CSMD3: variants seen among roughly 807,000 people sequenced by gnomAD.
The protein encoded by CSMD3 is CUB and sushi domain-containing protein 3.
Under a neutral mutation model 435.2 loss-of-function variants are expected in CSMD3, and 177 were observed. The ratio of observed to expected loss-of-function variants is 0.41; its 90% confidence interval spans 0.36 to 0.46. CSMD3 has a LOEUF of 0.46. CSMD3 is among the 20% of genes least tolerant of loss of function. The probability of loss-of-function intolerance (pLI) is 0.34; values close to 1 mark genes in which losing one functional copy is unlikely to be tolerated. For missense variants in CSMD3, 4,265 were observed against 4,504.6 expected (o/e 0.95, Z 1.52); for synonymous variants, 1,656 against 1,520.5 (o/e 1.09, Z -2.07).
chr8:113,111,085 T>C (rs1277534438), intron 4 of CSMD3, among the ~76,000 whole-genome samples: 2 of 152,146 alleles, frequency 1.3e-5, no homozygotes, highest in Non-Finnish European at 2.9e-5. Flanking sequence ...GGAGAGAGGA[T>C]TTCAATGTAT....
At chr8:113,246,467 A>G (rs1281366592) in intron 3 of CSMD3, among the ~76,000 whole-genome samples, 1 of 152,076 alleles carries the variant, frequency 6.6e-6, no homozygotes, top group Non-Finnish European at 1.5e-5. Context: ...TCAGTGTGCA[A>G]TCATTCTCGT....
chr8:112,452,779 T>G (rs1388194797), intron 32 of CSMD3, among the ~76,000 whole-genome samples: 3 of 152,174 alleles, frequency 2.0e-5, no homozygotes, highest in African/African-American at 7.2e-5. Flanking sequence ...CTACACATTC[T>G]AACACAGCTA....
chr8:113,354,378 G>C (rs750946651), intron 1 of CSMD3, among the ~76,000 whole-genome samples: 1 of 152,132 alleles, frequency 6.6e-6, no homozygotes, highest in Non-Finnish European at 1.5e-5. Context: ...TATCTTAGGG[G>C]AACCTCCTTG....
intron 6 of CSMD3, among the ~76,000 whole-genome samples, chr8:113,004,449 T>C (rs1376192758): frequency 1.3e-5 from 2 of 151,930 alleles, no homozygotes; most frequent in East Asian, 1.9e-4. Context: ...AAAGAAAATA[T>C]GTGAGAGAAA....
chr8:113,169,750 A>C (rs1406047947), intron 4 of CSMD3, among the ~76,000 whole-genome samples: 2 of 152,176 alleles, frequency 1.3e-5, no homozygotes, highest in African/African-American at 4.8e-5. Context: ...TTAACATAGG[A>C]ATAGCATAAC....
chr8:113,400,823 T>C (rs1379751046), intron 1 of CSMD3, among the ~76,000 whole-genome samples: 1 of 151,886 alleles, frequency 6.6e-6, no homozygotes, highest in South Asian at 2.1e-4. Context: ...CCTAAACAAT[T>C]ACTTTGTATA....
intron 5 of CSMD3, among the ~76,000 whole-genome samples, chr8:113,039,805 C>T (rs2087526006): frequency 6.6e-6 from 1 of 152,116 alleles, no homozygotes; most frequent in Admixed American, 6.6e-5. Flanking sequence ...TGCCCGTACT[C>T]CAAAATGAAA....
intron 38 of CSMD3, among the ~76,000 whole-genome samples, chr8:112,377,339 A>C (rs1457333332): frequency 6.6e-6 from 1 of 152,110 alleles, no homozygotes; most frequent in Non-Finnish European, 1.5e-5. Flanking sequence ...TAACTAGTGA[A>C]AAGATTGAAT....
intron 9 of CSMD3, among the ~76,000 whole-genome samples, chr8:112,941,905 A>G (rs895724656): frequency 2.0e-5 from 3 of 151,656 alleles, no homozygotes; most frequent in Non-Finnish European, 3.0e-5. Context: ...AATATTTTTT[A>G]TTAGCATGGT....
chr8:113,159,010 A>T (rs2091987673), intron 4 of CSMD3, among the ~76,000 whole-genome samples: 1 of 151,968 alleles, frequency 6.6e-6, no homozygotes, highest in Non-Finnish European at 1.5e-5. Context: ...GTACTAGTCA[A>T]TATTGATGGT....
At chr8:112,385,307 A>T (rs1419015466) in intron 36 of CSMD3, among the ~76,000 whole-genome samples, 1 of 152,184 alleles carries the variant, frequency 6.6e-6, no homozygotes, top group Non-Finnish European at 1.5e-5. Context: ...TCATAAATTC[A>T]TTGTAAAAAT....
intron 4 of CSMD3, among the ~76,000 whole-genome samples, chr8:113,144,070 A>G (rs2131743393): frequency 6.6e-6 from 1 of 150,844 alleles, no homozygotes; most frequent in Admixed American, 6.6e-5. Context: ...TACTTGGGTT[A>G]AAAGGGTTAT....
At chr8:112,542,207 G>GAAA (rs34574338) in intron 27 of CSMD3, among the ~76,000 whole-genome samples, 3 of 141,986 alleles carry the variant, frequency 2.1e-5, no homozygotes, top group South Asian at 2.2e-4. Context: ...ATACTGTCTG[G>GAAA]AAAAAAAAAA....
At chr8:113,091,399 C>A (rs1400946442) in intron 5 of CSMD3, among the ~76,000 whole-genome samples, 1 of 152,032 alleles carries the variant, frequency 6.6e-6, no homozygotes, top group Non-Finnish European at 1.5e-5. Flanking sequence ...CATTGACTCC[C>A]AGGCTTTTCT....
chr8:112,743,638 T>C (rs2077364446), intron 13 of CSMD3, among the ~76,000 whole-genome samples: 1 of 151,992 alleles, frequency 6.6e-6, no homozygotes, highest in Non-Finnish European at 1.5e-5. Context: ...CTTTCTCTTT[T>C]TCTGATTTTT....
Position 113,416,184 on chromosome 8 carries a change from C to T in CSMD3, c.178+20493G>A, listed in dbSNP as rs1037491026. On this transcript the variant is annotated intron_variant, in intron 1 of 70. Coordinates refer to ENST00000297405, the MANE Select transcript of CSMD3 (RefSeq NM_198123.2). The stretch of plus-strand genomic sequence containing the variant: ...TATAATTAAATAAATCTTACTATGT[C>T]AATTTTCAGGTATTAAAGCAAAGTG... 2.8e-4 allele frequency among the ~76,000 whole-genome samples: 42 copies of T among 151,984 alleles called. 2 individuals are homozygous for T. Among genetic ancestry groups the T allele is most frequent in the Non-Finnish European group, 7.4e-5 (5 of 67,948 alleles).
rs186891680 is a variant in CSMD3, at chr8:113,243,848, C to T, written c.514+34744G>A. ...CATTGTGGTTTTGATTTGTATTTTCCCCATAACTAATGATGTTGAACATGT... is the reference window on the plus strand; with the variant it reads ...CATTGTGGTTTTGATTTGTATTTTCTCCATAACTAATGATGTTGAACATGT... On this transcript the variant is annotated intron_variant, in intron 3 of 70. Transcript: ENST00000297405. 5.5e-3 allele frequency among the ~76,000 whole-genome samples: 831 copies of T among 152,098 alleles called. 12 individuals carry two copies. The highest frequency in any genetic ancestry group is 0.019 in the African/African-American group (800 of 41,508).
At chr8:112,477,394 C>T (rs547859326) in intron 31 of CSMD3, among the ~76,000 whole-genome samples, 1 of 152,106 alleles carries the variant, frequency 6.6e-6, no homozygotes, top group Non-Finnish European at 1.5e-5. Context: ...AATACCAAGC[C>T]CATAGTAGCA....
chr8:112,246,424 A>G (rs1814728062), intron 64 of CSMD3, among the ~76,000 whole-genome samples: 1 of 152,240 alleles, frequency 6.6e-6, no homozygotes, highest in African/African-American at 2.4e-5. Flanking sequence ...AGAAAAGCCA[A>G]ATAGCTGACC....
Sources: allele counts gnomAD v4.1 joint callset (sites outside exome capture counted in the v4.1 genomes callset), GRCh38; gene constraint gnomAD v4.1.1; transcripts MANE v1.5; gene names NCBI Gene and HGNC (gene_info 2026-07-23, HGNC 2026-07-21).